NT5C2: variants seen among roughly 807,000 people sequenced by gnomAD.
NT5C2 encodes 5'-nucleotidase, cytosolic II.
In NT5C2, 58 loss-of-function variants were observed where a neutral mutation model predicts 76.1. The ratio of observed to expected loss-of-function variants is 0.76; its 90% CI spans 0.62 to 0.95. The LOEUF (loss-of-function observed/expected upper bound fraction) is 0.95. Among genes scored for constraint, NT5C2 ranks in the 40% least tolerant of loss-of-function variants. NT5C2 has a pLI of 0.00. For synonymous variants in NT5C2, 229 were observed against 237.4 expected (o/e 0.96, Z 0.32); for missense variants, 478 against 690.3 (o/e 0.69, Z 3.45).
chr10:103,109,421 C>T (rs1321108948), intron 4 of NT5C2, among the ~76,000 whole-genome samples: 1 of 152,116 alleles, frequency 6.6e-6, no homozygotes. Context: ...CCCCATGCTC[C>T]CACCCCAGTT....
chr10:103,100,203 T>C (rs1482664870), intron 8 of NT5C2, among the ~76,000 whole-genome samples, 184 bp from the exon 9 acceptor site: 3 of 152,182 alleles, frequency 2.0e-5, no homozygotes, highest in Admixed American at 6.5e-5. Context: ...TAGTGTTCAA[T>C]GGAATACAGT....
chr10:103,119,262 A>C (rs1032160913), intron 4 of NT5C2, among the ~76,000 whole-genome samples: 22 of 152,160 alleles, frequency 1.4e-4, no homozygotes, highest in African/African-American at 5.3e-4. Flanking sequence ...CCAGCTACTC[A>C]GGAGGCTGAG....
chr10:103,131,256 T>C lies in NT5C2; in HGVS notation c.175+8150A>G, dbSNP rs76963528. ...GAAAACTAGTAATCTATCTATGCTG[T>C]AAGGTAATTATATATCACTCAAAAT... On this transcript the variant is annotated intron_variant, in intron 4 of 18. Transcript: ENST00000404739. 5.9e-4 allele frequency among the ~76,000 whole-genome samples: 90 copies of C among 152,340 alleles called. 2 individuals are homozygous for C. In the East Asian group the frequency reaches 0.014, roughly 23 times the overall value.
At chr10:103,117,600 T>C (rs973607358) in intron 4 of NT5C2, among the ~76,000 whole-genome samples, 2 of 152,180 alleles carry the variant, frequency 1.3e-5, no homozygotes, top group African/African-American at 4.8e-5. Context: ...TAAACTACAA[T>C]TGCACCACTG....
chr10:103,114,126 C>T (rs1232035720), intron 4 of NT5C2, among the ~76,000 whole-genome samples: 1 of 152,154 alleles, frequency 6.6e-6, no homozygotes, highest in Non-Finnish European at 1.5e-5. Flanking sequence ...ATAACACTGA[C>T]CCAATTAGGC....
intron 4 of NT5C2, among the ~76,000 whole-genome samples, chr10:103,129,018 A>C (rs2077319731): frequency 9.5e-6 from 1 of 105,652 alleles, no homozygotes; most frequent in African/African-American, 3.6e-5. Flanking sequence ...CCCATCTGGG[A>C]GGGAGGTGGG....
chr10:103,119,827 G>A (rs1189199096), intron 4 of NT5C2, among the ~76,000 whole-genome samples: 1 of 152,164 alleles, frequency 6.6e-6, no homozygotes, highest in East Asian at 1.9e-4. Context: ...GTGGCCAGTT[G>A]CAGTCTCATG....
chr10:103,185,540 C>A (rs1423806663), intron 1 of NT5C2, among the ~76,000 whole-genome samples: 1 of 150,184 alleles, frequency 6.7e-6, no homozygotes, highest in African/African-American at 2.5e-5. Flanking sequence ...CCCAGCTACT[C>A]GGGAGGCTGA....
Position 103,089,102 on chromosome 10 carries a change from C to T in NT5C2, c.*570G>A, listed in dbSNP as rs566378596. 4.4e-6 allele frequency: 1 copy of T among 226,758 alleles called. No individual in the cohort carries two copies. Among genetic ancestry groups the T allele is most frequent in the Non-Finnish European group, 8.8e-6 (1 of 114,114 alleles). 14.0% of individuals were successfully genotyped at this position (226,758 alleles called of 1,614,324 possible). ...AAAGCAACGCAAGTAGAGCATACTT[C>T]TGTGCAAAGCCAGTGATAGAGAAGC... On this transcript the variant is annotated 3_prime_UTR_variant, in exon 19 of 19. Transcript: ENST00000404739.
At chr10:103,175,664 G>A (rs1250069519) in intron 2 of NT5C2, 1 of 232,404 alleles carries the variant, frequency 4.3e-6, no homozygotes, top group African/African-American at 2.3e-5. Flanking sequence ...GAAAAGCAAT[G>A]AAGACTTATC....
chr10:103,103,388 A>C (rs1318839868), intron 6 of NT5C2, among the ~76,000 whole-genome samples: 1 of 152,236 alleles, frequency 6.6e-6, no homozygotes, highest in African/African-American at 2.4e-5. Context: ...CAGTAAAAAT[A>C]TACTTTCTTC....
intron 2 of NT5C2, among the ~76,000 whole-genome samples, chr10:103,179,348 A>G: frequency 6.6e-6 from 1 of 152,236 alleles, no homozygotes. Context: ...GGTCTGGATC[A>G]GGACCCCTTT....
intron 2 of NT5C2, chr10:103,176,120 G>A (rs557324621): frequency 4.7e-4 from 75 of 160,118 alleles, no homozygotes; most frequent in Non-Finnish European, 7.3e-4. Context: ...AGCAAAAACC[G>A]TGCTGTCCTT....
At chr10:103,146,373 G>A (rs769992440) in intron 3 of NT5C2, 1 of 985,318 alleles carries the variant, frequency 1.0e-6, no homozygotes, top group Non-Finnish European at 1.2e-6. Flanking sequence ...GACAGTTAGT[G>A]CAACAACAAA....
At chr10:103,118,977 ATT>A (rs1035577142) in intron 4 of NT5C2, among the ~76,000 whole-genome samples, 6 of 152,122 alleles carry the variant, frequency 3.9e-5, no homozygotes, top group Non-Finnish European at 5.9e-5. Flanking sequence ...TCATGAATGC[ATT>A]TTTAAGATGT....
At chr10:103,157,303 G>A (rs559691948) in intron 3 of NT5C2, among the ~76,000 whole-genome samples, 5 of 152,000 alleles carry the variant, frequency 3.3e-5, no homozygotes, top group African/African-American at 1.2e-4. Context: ...CTTTGGCAGG[G>A]TAAGGTAAGA....
chr10:103,089,977 C>A lies in NT5C2; in HGVS notation c.1450-69G>T. ...AGTAGCTACTCCCCAAATCCTAACC[C>A]CTCTCCTCTGTTAGGTGGCCATGCA... On this transcript the variant is annotated intron_variant, in intron 18 of 18. Coordinates refer to ENST00000404739, the MANE Select transcript of NT5C2 (RefSeq NM_001351169.2). 2.3e-6 allele frequency: 3 copies of A among 1,298,342 alleles called. No homozygotes were observed. The South Asian group carries it at 4.4e-5, about 19-fold the overall frequency. The allele number at this position is 1,298,342 out of a possible 1,614,324, so 80.4% of individuals were successfully genotyped here.
intron 6 of NT5C2, among the ~76,000 whole-genome samples, chr10:103,102,820 T>C (rs1005961909): frequency 2.0e-5 from 3 of 152,020 alleles, no homozygotes; most frequent in African/African-American, 7.2e-5. Context: ...CTGATTTTTA[T>C]TAGGCAATTA....
intron 3 of NT5C2, among the ~76,000 whole-genome samples, chr10:103,172,164 C>T (rs906935890): frequency 1.3e-5 from 2 of 151,662 alleles, no homozygotes; most frequent in Admixed American, 6.6e-5. Context: ...GAGCTGAGAC[C>T]GCGCCACTGT....
Sources: gnomAD v4.1 joint callset for allele counts (sites outside exome capture counted in the v4.1 genomes callset) on GRCh38, gnomAD v4.1.1 for gene constraint, MANE v1.5 for transcripts, NCBI Gene and HGNC (gene_info 2026-07-23, HGNC 2026-07-21) for gene names.